TSC2: variants seen among roughly 807,000 people sequenced by gnomAD.
TSC2 encodes the protein tuberin.
TSC2 carries 29 observed loss-of-function variants against 202.2 expected under a neutral mutation model. The observed-to-expected ratio is 0.14, with a 90% CI of 0.11 to 0.20. The LOEUF (loss-of-function observed/expected upper bound fraction) is 0.20. Ranked by LOEUF, TSC2 falls within the 10% of genes least tolerant of loss-of-function variation. TSC2 has a pLI of 1.00. For missense variants in TSC2, 2,429 were observed against 2,420.0 expected (o/e 1.00, Z -0.08); for synonymous variants, 1,349 against 1,044.0 (o/e 1.29, Z -5.63).
At position 2,077,619 on chromosome 16, in the gene TSC2, C is replaced by G; in HGVS notation, c.2859C>G (p.Pro953=). 6.2e-7 allele frequency: 1 copy of G among 1,613,186 alleles called. No homozygotes were observed. Among genetic ancestry groups the G allele is most frequent in the Non-Finnish European group, 8.5e-7 (1 of 1,180,012 alleles). Reference sequence around the variant, plus strand: ...ATAGTCTGAGGATAGCCAGACCCCCCAAACAAGGCTTGAATAACTCTCCAC... The same window carrying G: ...ATAGTCTGAGGATAGCCAGACCCCCGAAACAAGGCTTGAATAACTCTCCAC... ...RPKSLRIARP[P]KQGLNNSPPV... The change falls in exon 26 of 42, where the codon CCC becomes CCG. Residue 953 remains proline (P), a synonymous_variant. Transcript: ENST00000219476.
In TSC2 at chr16:2,089,462, GAAAT is replaced by G. The variant is rs766153620; in HGVS notation, c.*857_*860del. 1 of 548,304 alleles carries G rather than the reference GAAAT, an allele frequency of 1.8e-6. No homozygotes were observed. The allele number at this position is 548,304 out of a possible 1,614,324, so 34.0% of individuals were successfully genotyped here. On this transcript the variant is annotated 3_prime_UTR_variant, in exon 42 of 42. Transcript: ENST00000219476. The stretch of plus-strand genomic sequence containing the variant: ...AGCCCGCTGTACCTGAGGACTCGGG[GAAAT>G]AAATTAGCATCTCAGAGGCTAGAAA...
At position 2,089,311 on chromosome 16, in the gene TSC2, G is replaced by A. The variant is rs990301126; in HGVS notation, c.*701G>A. ...ACGAGACACACAGTGAGACGGTGCA[G>A]GGAGTACGGTAGGAACTGGAGAGGT... On this transcript the variant is annotated 3_prime_UTR_variant, in exon 42 of 42. Coordinates refer to ENST00000219476, the MANE Select transcript of TSC2 (RefSeq NM_000548.5). 2.6e-5 allele frequency: 7 copies of A among 266,636 alleles called. No individual in the cohort carries two copies. The highest frequency in any genetic ancestry group is 1.1e-4 in the African/African-American group (5 of 45,272). The allele number at this position is 266,636 out of a possible 1,614,324, so 16.5% of individuals were successfully genotyped here.
chr16:2,064,448 G>A (rs1226481352), intron 15 of TSC2, 21 bp downstream of exon 15: 1 of 1,612,532 alleles, frequency 6.2e-7, no homozygotes, highest in Admixed American at 1.7e-5. Context: ...TTGTACCCGG[G>A]GCCGGGTGCT....
intron 8 of TSC2, 102 bp from the exon 9 acceptor site, chr16:2,057,003 T>C: frequency 6.7e-7 from 1 of 1,482,136 alleles, no homozygotes; most frequent in African/African-American, 1.4e-5. Flanking sequence ...TGGCCGGACC[T>C]TGGGTGGCTA....
rs751807270 is a variant in TSC2 at position 2,072,413 on chromosome 16, C to T, written c.2220+50C>T. 19 of 1,610,034 alleles carry T rather than the reference C, an allele frequency of 1.2e-5. No homozygotes were observed. The South Asian group carries it at 2.1e-4, about 18-fold the overall frequency. On this transcript the variant is annotated intron_variant, in intron 20 of 41. Coordinates refer to ENST00000219476, the MANE Select transcript of TSC2 (RefSeq NM_000548.5). ...GGTGGGGGACCCAGTAGGGTTTTTC[C>T]CCAAAAGACTGCGAGCCTCTGGGCA...
chr16:2,080,431 T>A, intron 30 of TSC2, 54 bp downstream of exon 30: 1 of 1,595,918 alleles, frequency 6.3e-7, no homozygotes, highest in Non-Finnish European at 8.6e-7. Context: ...CCCACAGAGC[T>A]GTGGACACTC....
Position 2,050,503 on chromosome 16 carries a change from G to A in TSC2, c.225+17G>A, listed in dbSNP as rs2150997748. On this transcript the variant is annotated intron_variant, in intron 3 of 41. Coordinates refer to ENST00000219476, the MANE Select transcript of TSC2 (RefSeq NM_000548.5). ...TTTGAAGAGGTAGGTTTATCCAGTT[G>A]AGCTACTAGAGAGAGGCACGTAGAC... 1 of 1,610,342 alleles carries A rather than the reference G, an allele frequency of 6.2e-7. No homozygotes were observed.
At chr16:2,053,088 G>A (rs190006941) in intron 3 of TSC2, among the ~76,000 whole-genome samples, 141 of 152,324 alleles carry the variant, frequency 9.3e-4, no homozygotes, top group African/African-American at 3.3e-3. Context: ...TGTCCTCTCA[G>A]CCCCCAGTCT....
intron 19 of TSC2, 149 bp downstream of exon 19, chr16:2,072,083 C>T (rs772106142): frequency 8.0e-6 from 12 of 1,496,748 alleles, no homozygotes; most frequent in Non-Finnish European, 1.1e-5. Flanking sequence ...CGAGCAGCTG[C>T]AGGGACAGAG....
chr16:2,069,775 C>T lies in TSC2; in HGVS notation c.1717-681C>T, dbSNP rs145411135. Among the ~76,000 whole-genome samples, 59 of 151,142 alleles carry T rather than the reference C, an allele frequency of 3.9e-4. No individual in the cohort carries two copies. In the East Asian group the frequency reaches 6.2e-3, roughly 16 times the overall value. On this transcript the variant is annotated intron_variant, in intron 16 of 41. Transcript: ENST00000219476. The stretch of plus-strand genomic sequence containing the variant: ...GATTACAGGCGTGAGCCACTGTGCC[C>T]GGCCTAATTTTGTATTTTTAGTAGA...
At position 2,086,726 on chromosome 16, in the gene TSC2, C is replaced by T. The variant is rs1060504082; in HGVS notation, c.4850-6C>T. 4 of 1,609,568 alleles carry T rather than the reference C, an allele frequency of 2.5e-6. No homozygotes were observed. The highest frequency in any genetic ancestry group is 1.7e-5 in the Admixed American group (1 of 60,006). On this transcript the variant is annotated splice_region_variant and splice_polypyrimidine_tract_variant and intron_variant, in intron 37 of 41. Transcript: ENST00000219476. The stretch of plus-strand genomic sequence containing the variant: ...CACAAACCCATCCGGCCCTGCTCAC[C>T]CTCAGCCGTCTTCCACATCGCCACC...
intron 9 of TSC2, 49 bp downstream of exon 9, chr16:2,057,227 C>G: frequency 6.5e-7 from 1 of 1,546,580 alleles, no homozygotes. Context: ...GCACAGCCCT[C>G]GGGGCAGCTC....
intron 5 of TSC2, 187 bp from the exon 6 acceptor site, chr16:2,055,215 C>G (rs2085621967): frequency 1.5e-6 from 1 of 670,778 alleles, no homozygotes; most frequent in Admixed American, 2.1e-5. Context: ...CCGTGCGTAG[C>G]CGGCCTGCCC....
chr16:2,072,572 TC>T, intron 20 of TSC2: 1 of 843,582 alleles, frequency 1.2e-6, no homozygotes, highest in Non-Finnish European at 1.8e-6. Flanking sequence ...ACGTCAGAGG[TC>T]CCCAGCCAAG....
At chr16:2,077,494 C>T in intron 25 of TSC2, 104 bp from the exon 26 acceptor site, 5 of 1,555,572 alleles carry the variant, frequency 3.2e-6, no homozygotes, top group Non-Finnish European at 3.5e-6. Context: ...TCCATCCTGA[C>T]CCTGTGGCCT....
chr16:2,077,407 C>T (rs2089543738), intron 25 of TSC2, 191 bp from the exon 26 acceptor site: 1 of 725,924 alleles, frequency 1.4e-6, no homozygotes, highest in Non-Finnish European at 2.4e-6. Flanking sequence ...TATTATCATG[C>T]ATTTTTGTTT....
At position 2,060,804 on chromosome 16, in the gene TSC2, G is replaced by A. The variant is rs1800742; in HGVS notation, c.1110G>A (p.Gln370=). ...ILLNIIERLL[Q]QLQTLDSPEL... is the part of the protein sequence containing the mutation. ...TGAACATCATCGAACGGCTCCTTCA[G>A]CAGCTCCAGGTGGGGTGGGGGCAGG... The change falls in exon 11 of 42, where the codon CAG becomes CAA. Residue 370 remains glutamine, a synonymous_variant. Coordinates refer to ENST00000219476, the MANE Select transcript of TSC2 (RefSeq NM_000548.5). 17,089 of 1,613,538 alleles carry A rather than the reference G, an allele frequency of 0.011. 122 individuals are homozygous for A. Among genetic ancestry groups the A allele is most frequent in the Middle Eastern group, 0.05 (304 of 6,032 alleles).
intron 22 of TSC2, chr16:2,074,799 A>G: frequency 3.3e-6 from 1 of 302,952 alleles, no homozygotes. Flanking sequence ...CTCAATGTTG[A>G]GATGGCAGAA....
rs2151379427 is a variant in TSC2 at position 2,075,785 on chromosome 16, C to T, written c.2546-14C>T. 1.2e-6 allele frequency: 2 copies of T among 1,612,022 alleles called. No individual in the cohort carries two copies. Among genetic ancestry groups the T allele is most frequent in the South Asian group, 1.1e-5 (1 of 91,076 alleles). ...GGACCCCGGCTCCCCTGACCACCCT[C>T]TCCATTACCGCAGCTCTGGCCAGGC... On this transcript the variant is annotated splice_polypyrimidine_tract_variant and intron_variant, in intron 22 of 41. Transcript: ENST00000219476.
Sources: gnomAD v4.1 joint callset for allele counts (sites outside exome capture counted in the v4.1 genomes callset) on GRCh38, gnomAD v4.1.1 for gene constraint, MANE v1.5 for transcripts, NCBI Gene and HGNC (gene_info 2026-07-23, HGNC 2026-07-21) for gene names.